The following ATE1 variants were observed in gnomAD, a reference collection of about 807,000 sequenced individuals.
The protein encoded by ATE1 is arginyltransferase 1.
Under a neutral mutation model 70.5 loss-of-function variants are expected in ATE1, and 36 were observed. The ratio of observed to expected loss-of-function variants is 0.51; its 90% confidence interval spans 0.39 to 0.67. The LOEUF is 0.67. Among genes scored for constraint, ATE1 ranks in the 30% least tolerant of loss-of-function variants. The pLI is 0.00. For synonymous variants in ATE1, 232 were observed against 219.3 expected, an observed-to-expected ratio of 1.06 and a Z score of -0.51; for missense variants, 593 against 629.5, an observed-to-expected ratio of 0.94 and a Z score of 0.62.
chr10:121,757,166 C>T (rs535649991), intron 11 of ATE1, among the ~76,000 whole-genome samples: 16 of 151,936 alleles, frequency 1.1e-4, no homozygotes, highest in Non-Finnish European at 1.5e-4. Flanking sequence ...GAGAAAATTC[C>T]GCCAGTCTCC....
chr10:121,918,140 C>T (rs1362523361), intron 3 of ATE1, among the ~76,000 whole-genome samples: 1 of 152,140 alleles, frequency 6.6e-6, no homozygotes, highest in Non-Finnish European at 1.5e-5. Context: ...CCAGACCAAC[C>T]TGGCCAATAT....
intron 10 of ATE1, among the ~76,000 whole-genome samples, chr10:121,793,334 T>TGATAA (rs562303259): frequency 2.6e-5 from 4 of 152,328 alleles, no homozygotes; most frequent in Admixed American, 2.6e-4. Flanking sequence ...GTGAAACACT[T>TGATAA]GATAAAATAT....
intron 11 of ATE1, among the ~76,000 whole-genome samples, chr10:121,764,333 A>G (rs1945183804): frequency 6.6e-6 from 1 of 152,086 alleles, no homozygotes; most frequent in African/African-American, 2.4e-5. Flanking sequence ...AACTATGATA[A>G]GATATGATTT....
chr10:121,765,796 C>A (rs1357289181), intron 11 of ATE1, among the ~76,000 whole-genome samples: 1 of 152,264 alleles, frequency 6.6e-6, no homozygotes, highest in Admixed American at 6.5e-5. Context: ...GTGCAATATT[C>A]TGATTCACTA....
intron 10 of ATE1, among the ~76,000 whole-genome samples, chr10:121,821,550 G>A (rs1224230042): frequency 6.6e-6 from 1 of 152,136 alleles, no homozygotes; most frequent in African/African-American, 2.4e-5. Context: ...ATGAAAAGGT[G>A]CTCAACATTG....
At position 121,779,993 on chromosome 10, in the gene ATE1, G is replaced by A. The variant is rs538153192; in HGVS notation, c.1378+10176C>T. Among the ~76,000 whole-genome samples the A allele has an allele frequency of 6.2e-4, 94 of 152,210 alleles. No individual in the cohort carries two copies. In the South Asian group the frequency reaches 0.018, roughly 30 times the overall value. Reference sequence around the variant, plus strand: ...TCCAATGGAATTCTTCATCTGCTCAGTCATTATATGCTGGGCCCTTGGGGC... The same window carrying A: ...TCCAATGGAATTCTTCATCTGCTCAATCATTATATGCTGGGCCCTTGGGGC... On this transcript the variant is annotated intron_variant, in intron 11 of 11. Coordinates refer to ENST00000224652, the MANE Select transcript of ATE1 (RefSeq NM_001001976.3).
rs1952003390 is a variant in ATE1 at position 121,924,444 on chromosome 10, T to C, written c.107-115A>G. ...GTCCGGGCACGGTGGCTCATGCCTG[T>C]AATCCCAGCACTCTGGGAGGCCAAG... On this transcript the variant is annotated intron_variant, in intron 1 of 11. Coordinates refer to ENST00000224652, the MANE Select transcript of ATE1 (RefSeq NM_001001976.3). 4 of 965,282 alleles carry C rather than the reference T, an allele frequency of 4.1e-6. No homozygotes were observed. In the Admixed American group the frequency reaches 5.6e-5, roughly 14 times the overall value. The allele number at this position is 965,282 out of a possible 1,614,324, so 59.8% of individuals were successfully genotyped here. A position where few individuals can be genotyped will look rare whatever the true frequency, so the allele number is the denominator to read the frequency against.
chr10:121,763,224 C>G (rs1945129144), intron 11 of ATE1, among the ~76,000 whole-genome samples: 1 of 151,988 alleles, frequency 6.6e-6, no homozygotes, highest in African/African-American at 2.4e-5. Context: ...ATGTAGTATG[C>G]AATAACCATA....
chr10:121,915,216 A>G (rs1951599185), intron 3 of ATE1, among the ~76,000 whole-genome samples: 1 of 152,242 alleles, frequency 6.6e-6, no homozygotes, highest in African/African-American at 2.4e-5. Flanking sequence ...ACAAGGTGTT[A>G]TTAAATAAAC....
chr10:121,904,155 TG>T (rs1173612439), intron 5 of ATE1, among the ~76,000 whole-genome samples: 3 of 151,596 alleles, frequency 2.0e-5, no homozygotes, highest in African/African-American at 7.3e-5. Context: ...GCTAATTTTT[TG>T]TATTTTCAGT....
At chr10:121,800,936 G>C (rs1946853657) in intron 10 of ATE1, among the ~76,000 whole-genome samples, 1 of 152,156 alleles carries the variant, frequency 6.6e-6, no homozygotes. Context: ...TACTACAGCA[G>C]ACCCCTTGCT....
chr10:121,861,985 G>A (rs983276020), intron 8 of ATE1, among the ~76,000 whole-genome samples: 3 of 152,252 alleles, frequency 2.0e-5, no homozygotes, highest in East Asian at 3.9e-4. Flanking sequence ...AGTCCCCCGA[G>A]TAGTTACCTC....
chr10:121,821,776 G>T (rs1947808619), intron 10 of ATE1, among the ~76,000 whole-genome samples: 1 of 152,178 alleles, frequency 6.6e-6, no homozygotes, highest in African/African-American at 2.4e-5. Flanking sequence ...AGCTACTCAG[G>T]AGGCTGAGAC....
chr10:121,872,954 G>A (rs927527668), intron 7 of ATE1, among the ~76,000 whole-genome samples: 8 of 152,036 alleles, frequency 5.3e-5, no homozygotes, highest in African/African-American at 1.9e-4. Context: ...AATGTAATAT[G>A]TTTTACAAAA....
intron 6 of ATE1, among the ~76,000 whole-genome samples, chr10:121,902,006 T>C (rs555407879): frequency 6.6e-6 from 1 of 152,312 alleles, no homozygotes; most frequent in African/African-American, 2.4e-5. Flanking sequence ...TTATAATGGA[T>C]GAAATAGTGA....
chr10:121,916,090 G>C (rs1230706127), intron 3 of ATE1, among the ~76,000 whole-genome samples: 1 of 151,096 alleles, frequency 6.6e-6, no homozygotes, highest in African/African-American at 2.4e-5. Context: ...AGCCGGGCGT[G>C]GTGGCAGGCA....
At chr10:121,905,566 G>GTA (rs1951157071) in intron 5 of ATE1, among the ~76,000 whole-genome samples, 1 of 152,148 alleles carries the variant, frequency 6.6e-6, no homozygotes, top group Non-Finnish European at 1.5e-5. Context: ...TTCAGGCGGG[G>GTA]CTCAGTGGCT....
intron 8 of ATE1, among the ~76,000 whole-genome samples, chr10:121,863,291 T>A (rs1949542025): frequency 6.7e-6 from 1 of 148,724 alleles, no homozygotes; most frequent in Admixed American, 6.7e-5. Context: ...TCTCTTTCTG[T>A]CACCCAGGCT....
intron 10 of ATE1, among the ~76,000 whole-genome samples, chr10:121,810,875 G>T (rs1386717118): frequency 1.3e-5 from 2 of 151,774 alleles, no homozygotes; most frequent in Admixed American, 6.6e-5. Flanking sequence ...GCTAATTTTT[G>T]TATTTTTAAT....
Sources: gnomAD v4.1 joint callset for allele counts (sites outside exome capture counted in the v4.1 genomes callset) on GRCh38, gnomAD v4.1.1 for gene constraint, MANE v1.5 for transcripts, NCBI Gene and HGNC (gene_info 2026-07-23, HGNC 2026-07-21) for gene names.